The following LUZP2 variants were observed in gnomAD, a reference collection of about 807,000 sequenced individuals.
LUZP2 encodes leucine zipper protein 2.
Under a neutral mutation model 51.6 loss-of-function variants are expected in LUZP2, and 52 were observed. The ratio of observed to expected loss-of-function variants is 1.01; its 90% CI spans 0.81 to 1.27. The LOEUF (loss-of-function observed/expected upper bound fraction) is 1.27, where lower values mean the gene tolerates loss of function less well. LUZP2 is among the 50% of genes most tolerant of loss of function. The pLI is 0.00. For missense variants in LUZP2, 436 were observed against 395.4 expected, an observed-to-expected ratio of 1.10 and a Z score of -0.87; for synonymous variants, 154 against 137.3, an observed-to-expected ratio of 1.12 and a Z score of -0.85.
At chr11:24,601,713 A>T (rs943196703) in intron 1 of LUZP2, among the ~76,000 whole-genome samples, 1 of 151,264 alleles carries the variant, frequency 6.6e-6, no homozygotes, top group South Asian at 2.1e-4. Flanking sequence ...AATTCCATTT[A>T]CTGCTAGCAT....
At chr11:25,005,167 G>A (rs1253103496) in intron 9 of LUZP2, among the ~76,000 whole-genome samples, 6 of 152,104 alleles carry the variant, frequency 3.9e-5, no homozygotes, top group Admixed American at 3.9e-4. Flanking sequence ...GGATTTTGTG[G>A]TCCTTTGGAG....
intron 1 of LUZP2, among the ~76,000 whole-genome samples, chr11:24,598,489 A>G (rs1853518749): frequency 6.6e-6 from 1 of 152,138 alleles, no homozygotes; most frequent in African/African-American, 2.4e-5. Flanking sequence ...TAGATTTTTA[A>G]GCAAAATTAG....
rs1855937370 is a variant in LUZP2, at chr11:24,978,359, G to C, written c.597+1694G>C. Among the ~76,000 whole-genome samples, 3 of 151,750 alleles carry C rather than the reference G, an allele frequency of 2.0e-5. No homozygotes were observed. The Admixed American group carries it at 2.0e-4, about 10-fold the overall frequency. The stretch of plus-strand genomic sequence containing the variant: ...AGGCATATATAATTCTAAAGCTCAA[G>C]TAGGCCACCTTTGTTTTAGTCCTTT... On this transcript the variant is annotated intron_variant, in intron 8 of 11. Transcript: ENST00000336930.
chr11:24,899,213 A>G (rs985791851), intron 5 of LUZP2, among the ~76,000 whole-genome samples: 14 of 152,112 alleles, frequency 9.2e-5, no homozygotes, highest in Non-Finnish European at 5.9e-5. Context: ...TGTGTCTTTT[A>G]TAATTTTATA....
rs556059577 is a variant in LUZP2, at chr11:25,076,704, T to A, written c.859-625T>A. Among the ~76,000 whole-genome samples the A allele has an allele frequency of 1.5e-4, 23 of 148,788 alleles. No homozygotes were observed. In the East Asian group the frequency reaches 4.6e-3, roughly 30 times the overall value. On this transcript the variant is annotated intron_variant, in intron 10 of 11. Transcript: ENST00000336930. ...GAGGATTGAATATTTTAACCCTGGTTAAAATAGAAGTGAAGCCCAAGTGGA... is the reference window on the plus strand; with the variant it reads ...GAGGATTGAATATTTTAACCCTGGTAAAAATAGAAGTGAAGCCCAAGTGGA...
intron 1 of LUZP2, chr11:24,701,325 C>CA (rs1857415786): frequency 6.0e-6 from 1 of 167,024 alleles, no homozygotes; most frequent in South Asian, 2.1e-4. Context: ...AGGAATAACT[C>CA]AAGAGGAGAT....
intron 7 of LUZP2, among the ~76,000 whole-genome samples, chr11:24,915,206 A>G (rs1590723663): frequency 6.6e-6 from 1 of 152,090 alleles, no homozygotes; most frequent in Admixed American, 6.6e-5. Flanking sequence ...ACTTTCATTA[A>G]CTCAAATAAC....
At chr11:25,055,511 G>A (rs1404931307) in intron 10 of LUZP2, among the ~76,000 whole-genome samples, 1 of 140,154 alleles carries the variant, frequency 7.1e-6, no homozygotes, top group Non-Finnish European at 1.5e-5. Flanking sequence ...CTATCAGATT[G>A]AGGAGTTTTA....
chr11:24,627,186 A>T (rs1030256245), intron 1 of LUZP2, among the ~76,000 whole-genome samples: 7 of 152,212 alleles, frequency 4.6e-5, no homozygotes, highest in Non-Finnish European at 4.4e-5. Context: ...ATGTTTCTTT[A>T]TGGGAAATAC....
intron 5 of LUZP2, among the ~76,000 whole-genome samples, chr11:24,856,983 G>A (rs1851586188): frequency 6.6e-6 from 1 of 151,796 alleles, no homozygotes; most frequent in Non-Finnish European, 1.5e-5. Flanking sequence ...TTACTTAGTG[G>A]TTACAACATT....
At chr11:24,637,188 C>T (rs1855134707) in intron 1 of LUZP2, among the ~76,000 whole-genome samples, 1 of 151,708 alleles carries the variant, frequency 6.6e-6, no homozygotes, top group African/African-American at 2.4e-5. Flanking sequence ...GGACCCCGAA[C>T]AGAGAGATCG....
At chr11:24,646,713 T>C (rs549106067) in intron 1 of LUZP2, 2 of 483,874 alleles carry the variant, frequency 4.1e-6, no homozygotes, top group South Asian at 8.8e-5. Context: ...GCCATAACTG[T>C]GTCCAGTAGT....
chr11:24,973,407 A>AT (rs1855804134), intron 7 of LUZP2, among the ~76,000 whole-genome samples: 2 of 80,330 alleles, frequency 2.5e-5, no homozygotes, highest in South Asian at 7.7e-4. Context: ...GGGTTCATTG[A>AT]TTTTTTGAAG....
chr11:24,585,824 A>G (rs1186568322), intron 1 of LUZP2, among the ~76,000 whole-genome samples: 2 of 152,152 alleles, frequency 1.3e-5, no homozygotes, highest in Non-Finnish European at 2.9e-5. Context: ...TCTTACAAGG[A>G]ATTAAACCAA....
chr11:24,907,052 C>T (rs1326434237), intron 6 of LUZP2, among the ~76,000 whole-genome samples: 2 of 152,110 alleles, frequency 1.3e-5, no homozygotes, highest in African/African-American at 4.8e-5. Flanking sequence ...TATCCTCTTC[C>T]AGCAGGAAGG....
chr11:24,960,549 A>C (rs1482828411), intron 7 of LUZP2, among the ~76,000 whole-genome samples: 2 of 152,136 alleles, frequency 1.3e-5, no homozygotes, highest in Admixed American at 6.5e-5. Flanking sequence ...TGTTTGTAGT[A>C]ATCTCTGATA....
chr11:24,627,810 C>T (rs564248226), intron 1 of LUZP2, among the ~76,000 whole-genome samples: 1 of 152,278 alleles, frequency 6.6e-6, no homozygotes, highest in African/African-American at 2.4e-5. Flanking sequence ...GGATGACAGG[C>T]AGTGTCTCTT....
At chr11:24,804,465 TAAAC>T (rs1286010111) in intron 5 of LUZP2, among the ~76,000 whole-genome samples, 1 of 152,148 alleles carries the variant, frequency 6.6e-6, no homozygotes, top group Non-Finnish European at 1.5e-5. Flanking sequence ...GGAGCCTTCA[TAAAC>T]AAAGAACCAA....
At chr11:24,959,580 G>A (rs1169822372) in intron 7 of LUZP2, among the ~76,000 whole-genome samples, 1 of 152,128 alleles carries the variant, frequency 6.6e-6, no homozygotes, top group Non-Finnish European at 1.5e-5. Context: ...AAGAATGCTT[G>A]TGATTTTTGT....
Sources: allele counts gnomAD v4.1 joint callset (sites outside exome capture counted in the v4.1 genomes callset), GRCh38; gene constraint gnomAD v4.1.1; transcripts MANE v1.5; gene names NCBI Gene and HGNC (gene_info 2026-07-23, HGNC 2026-07-21).